Variants in ARHGEF11 observed in about 807,000 individuals in gnomAD.
ARHGEF11 encodes the protein Rho guanine exchange factor (GEF) 11.
In ARHGEF11, 55 loss-of-function variants were observed where a neutral mutation model predicts 193.7. The ratio of observed to expected loss-of-function variants is 0.28; its 90% confidence interval spans 0.23 to 0.36. The LOEUF is 0.36. Among genes scored for constraint, ARHGEF11 ranks in the 10% least tolerant of loss-of-function variants. The pLI, the probability that ARHGEF11 is intolerant of heterozygous loss-of-function variation, is 1.00. For missense variants in ARHGEF11, 1,723 were observed against 2,005.6 expected, an observed-to-expected ratio of 0.86 and a Z score of 2.69; for synonymous variants, 693 against 768.0, an observed-to-expected ratio of 0.90 and a Z score of 1.62.
intron 1 of ARHGEF11, among the ~76,000 whole-genome samples, chr1:157,003,736 C>A (rs779661732): frequency 1.3e-5 from 2 of 152,188 alleles, no homozygotes; most frequent in Non-Finnish European, 2.9e-5. Context: ...ACTATTTATA[C>A]GTCTGCTGGC....
At chr1:157,046,204 C>A (rs1673310740), upstream of ARHGEF11, among the ~76,000 whole-genome samples, 1 of 151,016 alleles carries the variant, frequency 6.6e-6, no homozygotes, top group Non-Finnish European at 1.5e-5. Context: ...GCCCTGACCC[C>A]GCCAGGCACC....
At chr1:157,014,128 C>T (rs775417011) in intron 1 of ARHGEF11, among the ~76,000 whole-genome samples, 9 of 152,298 alleles carry the variant, frequency 5.9e-5, no homozygotes, top group African/African-American at 1.2e-4. Context: ...TCCACCACAA[C>T]GCTAAAACTT....
intron 3 of ARHGEF11, among the ~76,000 whole-genome samples, chr1:156,983,406 T>C (rs2102451122): frequency 6.6e-6 from 1 of 152,236 alleles, no homozygotes; most frequent in South Asian, 2.1e-4. Flanking sequence ...GTATTTTTAG[T>C]AGAGACAGGG....
intron 1 of ARHGEF11, among the ~76,000 whole-genome samples, chr1:157,000,125 G>C (rs1452481949): frequency 6.6e-6 from 1 of 152,120 alleles, no homozygotes; most frequent in Non-Finnish European, 1.5e-5. Context: ...AACATGCCAG[G>C]CTAATTTTTG....
intron 8 of ARHGEF11, among the ~76,000 whole-genome samples, chr1:156,971,091 TCTTA>T (rs1662424486): frequency 6.6e-6 from 1 of 152,214 alleles, no homozygotes; most frequent in East Asian, 1.9e-4. Flanking sequence ...GAGAGTTACT[TCTTA>T]TTTACCCCAA....
chr1:156,971,389 C>T (rs546509190), intron 8 of ARHGEF11, among the ~76,000 whole-genome samples: 1 of 152,276 alleles, frequency 6.6e-6, no homozygotes, highest in African/African-American at 2.4e-5. Context: ...TGAAGAACTA[C>T]CCAGAAGGGA....
intron 38 of ARHGEF11, among the ~76,000 whole-genome samples, chr1:156,937,804 G>A (rs1388402058): frequency 6.6e-6 from 1 of 152,258 alleles, no homozygotes; most frequent in Admixed American, 6.5e-5. Context: ...CCCTCCTTGA[G>A]TAAACAGATT....
intron 1 of ARHGEF11, among the ~76,000 whole-genome samples, chr1:157,043,554 C>T (rs376506490): frequency 3.3e-5 from 5 of 152,198 alleles, no homozygotes; most frequent in African/African-American, 1.2e-4. Flanking sequence ...AGCAGGCCTA[C>T]GAGCCCAAAA....
At chr1:157,010,701 C>T (rs1245896826) in intron 1 of ARHGEF11, among the ~76,000 whole-genome samples, 3 of 152,144 alleles carry the variant, frequency 2.0e-5, no homozygotes, top group African/African-American at 7.2e-5. Flanking sequence ...AGCCACCATA[C>T]TTGGACTGAA....
intron 30 of ARHGEF11, among the ~76,000 whole-genome samples, chr1:156,944,676 C>A (rs181517529): frequency 5.8e-4 from 88 of 152,320 alleles, no homozygotes; most frequent in Middle Eastern, 6.8e-3. Context: ...GCCCCTACCA[C>A]GTGCCAGCTA....
At chr1:157,046,243 AC>A, upstream of ARHGEF11, among the ~76,000 whole-genome samples, 1 of 134,206 alleles carries the variant, frequency 7.5e-6, no homozygotes, top group Non-Finnish European at 1.6e-5. Flanking sequence ...CGCCACCGCC[AC>A]CGCCACCCCT....
At chr1:156,991,710 ATTTTTT>A (rs57140356) in intron 1 of ARHGEF11, among the ~76,000 whole-genome samples, 8 of 83,956 alleles carry the variant, frequency 9.5e-5, no homozygotes, top group East Asian at 3.2e-4. Context: ...TTTCAAGCTT[ATTTTTT>A]TTTTTTTTTT....
At chr1:156,988,104 G>A (rs1665194733) in intron 1 of ARHGEF11, among the ~76,000 whole-genome samples, 1 of 152,178 alleles carries the variant, frequency 6.6e-6, no homozygotes, top group African/African-American at 2.4e-5. Context: ...TGATGCCCGG[G>A]GAAGTGCCCT....
Position 156,939,737 on chromosome 1 carries a change from C to T in ARHGEF11, c.3907G>A (p.Asp1303Asn). ...TCCAGCCCTGCAAGCTGGGTGTTGT[C>T]CCCTTCACCCCCAGGGGGTGCTTGC... ...PGQAPPGGEG[D>N]NTQLAGLEGE... The change falls in exon 37 of 41, where the codon GAC (aspartate) becomes AAC (asparagine). Residue 1303 changes from aspartate to asparagine, a missense_variant. By Grantham distance (23) the Asp-to-Asn change is conservative. Coordinates refer to ENST00000368194, the MANE Select transcript of ARHGEF11 (RefSeq NM_198236.3). 6.2e-7 allele frequency: 1 copy of T among 1,614,082 alleles called. No homozygotes were observed. The highest frequency in any genetic ancestry group is 8.5e-7 in the Non-Finnish European group (1 of 1,180,004).
In ARHGEF11 at chr1:156,948,774, G is replaced by T; in HGVS notation, c.1926-276C>A. The stretch of plus-strand genomic sequence containing the variant: ...TAGGAAGGGATCCTAACAGGAAGAT[G>T]AAATCTGGGGCTAACAGACTCTGAG... On this transcript the variant is annotated intron_variant, in intron 22 of 40. Coordinates refer to ENST00000368194, the MANE Select transcript of ARHGEF11 (RefSeq NM_198236.3). The surrounding 1 kb of genome is among the most constrained non-coding windows in gnomAD (Gnocchi z 4.2). 7.2e-7 allele frequency: 1 copy of T among 1,392,412 alleles called. No homozygotes were observed. Among genetic ancestry groups the T allele is most frequent in the South Asian group, 1.4e-5 (1 of 71,404 alleles). 86.3% of individuals were successfully genotyped at this position (1,392,412 alleles called of 1,614,324 possible).
At chr1:156,990,684 T>C (rs989839301) in intron 1 of ARHGEF11, among the ~76,000 whole-genome samples, 2 of 150,614 alleles carry the variant, frequency 1.3e-5, no homozygotes, top group African/African-American at 2.5e-5. Flanking sequence ...TAATATATTA[T>C]AGTCTATTAC....
At chr1:156,993,590 C>T (rs1339932599) in intron 1 of ARHGEF11, among the ~76,000 whole-genome samples, 1 of 152,144 alleles carries the variant, frequency 6.6e-6, no homozygotes, top group African/African-American at 2.4e-5. Flanking sequence ...CTACCAGGAC[C>T]TTAGCTCCAG....
intron 7 of ARHGEF11, among the ~76,000 whole-genome samples, chr1:156,975,221 T>C (rs1003810979): frequency 1.3e-5 from 2 of 152,234 alleles, no homozygotes; most frequent in South Asian, 4.1e-4. Context: ...CGCTTGTTAT[T>C]TTCCATTATT....
chr1:156,980,412 G>C (rs1370353564), intron 4 of ARHGEF11, 25 bp downstream of exon 4: 1 of 1,598,692 alleles, frequency 6.3e-7, no homozygotes, highest in Non-Finnish European at 8.5e-7. Flanking sequence ...TGCTGGGAGT[G>C]GGAGTGTGTG....
Sources: gnomAD v4.1 joint callset for allele counts (sites outside exome capture counted in the v4.1 genomes callset) on GRCh38, gnomAD v4.1.1 for gene constraint, Gnocchi (gnomAD v3.1) non-coding constraint, MANE v1.5 for transcripts, NCBI Gene and HGNC (gene_info 2026-07-23, HGNC 2026-07-21) for gene names.